TRIM71: variants seen among roughly 807,000 people sequenced by gnomAD.
The protein encoded by TRIM71 is E3 ubiquitin-protein ligase TRIM71.
TRIM71 carries 9 observed loss-of-function variants against 61.2 expected under a neutral mutation model. The observed-to-expected ratio is 0.15, with a 90% CI of 0.09 to 0.26. The LOEUF (loss-of-function observed/expected upper bound fraction) is 0.26, where lower values mean the gene tolerates loss of function less well. Among genes scored for constraint, TRIM71 ranks in the 10% least tolerant of loss-of-function variants. TRIM71 has a pLI of 1.00. For missense variants in TRIM71, 998 were observed against 1,238.7 expected (o/e 0.81, Z 2.92); for synonymous variants, 645 against 553.2 (o/e 1.17, Z -2.33).
In TRIM71 at chr3:32,873,821, C is replaced by A. The variant is rs1452934173; in HGVS notation, c.856C>A (p.Leu286Met). ...GFCQHHDDEV[L>M]HLYCDTCSVP... Reference sequence around the variant, plus strand: ...CTGTACCCTCTCTTGTCCCCAGGTGCTGCACCTGTACTGTGACACTTGCTC... The same window carrying A: ...CTGTACCCTCTCTTGTCCCCAGGTGATGCACCTGTACTGTGACACTTGCTC... Residue 286 changes from leucine to methionine, a missense_variant, in exon 2 of 4, where the codon CTG becomes ATG. Leu to Met is a conservative substitution (Grantham distance 15, BLOSUM62 2). Transcript: ENST00000383763. The A allele has an allele frequency of 6.3e-7, 1 of 1,576,238 alleles. No homozygotes were observed. Among genetic ancestry groups the A allele is most frequent in the Non-Finnish European group, 8.7e-7 (1 of 1,155,826 alleles).
chr3:32,881,208 G>A (rs1358071711), intron 2 of TRIM71, among the ~76,000 whole-genome samples: 5 of 151,992 alleles, frequency 3.3e-5, no homozygotes, highest in Admixed American at 1.3e-4. Flanking sequence ...CAGTAGAGAC[G>A]GGGTTTCACC....
chr3:32,818,581 C>T lies in TRIM71; in HGVS notation c.501C>T (p.Leu167=), dbSNP rs1188933657. ...HPRASASAPP[L]PQAPQPPAPS... ...GCGCGTCCGCCTCCGCGCCGCCACT[C>T]CCGCAGGCGCCGCAGCCGCCCGCGC... The change falls in exon 1 of 4, where the codon CTC becomes CTT. Residue 167 remains leucine (L), a synonymous_variant. Coordinates refer to ENST00000383763, the MANE Select transcript of TRIM71 (RefSeq NM_001039111.3). 9 of 1,295,416 alleles carry T rather than the reference C, an allele frequency of 6.9e-6. No homozygotes were observed. The highest frequency in any genetic ancestry group is 5.1e-5 in the South Asian group (2 of 39,268). 80.2% of individuals were successfully genotyped at this position (1,295,416 alleles called of 1,614,324 possible).
At position 32,891,530 on chromosome 3, in the gene TRIM71, C is replaced by T. The variant is rs1359390382; in HGVS notation, c.2326C>T (p.Pro776Ser). ...FNNHRLLVIH[P>S]DCQSARFLGS... is the part of the protein sequence containing the mutation. ...CAACCACCGGCTCCTGGTTATTCAC[C>T]CCGACTGCCAGTCGGCACGCTTTCT... is the stretch of plus-strand genomic sequence containing the variant. The change falls in exon 4 of 4, where the codon CCC becomes TCC. Residue 776 changes from proline to serine, a missense_variant. By Grantham distance (74) the Pro-to-Ser change is moderately conservative. Around this residue, in one of 5 missense-constraint regions of TRIM71, gnomAD observed 95 missense variants for 159.0 expected, o/e 0.60. Transcript: ENST00000383763. This position sits in a 1 kb window ranked among gnomAD's most constrained non-coding sequence, Gnocchi z 8.2. The T allele has an allele frequency of 6.2e-7, 1 of 1,613,368 alleles. No homozygotes were observed. The highest frequency in any genetic ancestry group is 1.1e-5 in the South Asian group (1 of 90,998).
chr3:32,863,352 A>C lies in TRIM71; in HGVS notation c.853-10466A>C, dbSNP rs552225319. Reference sequence around the variant, plus strand: ...TCAGCTGTGACTATAGGCATGCCCCACCATGCTTGGTTAATTTTTAATTCT... The same window carrying C: ...TCAGCTGTGACTATAGGCATGCCCCCCCATGCTTGGTTAATTTTTAATTCT... On this transcript the variant is annotated intron_variant, in intron 1 of 3. Transcript: ENST00000383763. Among the ~76,000 whole-genome samples, 21 of 151,930 alleles carry C rather than the reference A, an allele frequency of 1.4e-4. 1 individual carries two copies. The South Asian group carries it at 4.4e-3, about 32-fold the overall frequency.
chr3:32,824,160 C>G (rs1276308397), intron 1 of TRIM71, among the ~76,000 whole-genome samples: 1 of 152,030 alleles, frequency 6.6e-6, no homozygotes, highest in Non-Finnish European at 1.5e-5. Flanking sequence ...TAGCTACTTA[C>G]TTAATACTTT....
At chr3:32,854,616 T>C (rs1222658621) in intron 1 of TRIM71, among the ~76,000 whole-genome samples, 3 of 152,226 alleles carry the variant, frequency 2.0e-5, no homozygotes, top group Non-Finnish European at 4.4e-5. Context: ...AAACAAGGCA[T>C]CATCTGGCTA....
intron 2 of TRIM71, among the ~76,000 whole-genome samples, chr3:32,880,946 GGAA>G (rs1179076599): frequency 6.6e-6 from 1 of 152,058 alleles, no homozygotes; most frequent in Non-Finnish European, 1.5e-5. Flanking sequence ...AACTAACAAA[GGAA>G]GAAACCCACG....
Position 32,891,815 on chromosome 3 carries a change from C to A in TRIM71, c.*4C>A. ...CAATCGAATCCTCGTCTTCTAATTG[C>A]ATTTCCTAGGTTTCTGTGTTTGGGG... On this transcript the variant is annotated 3_prime_UTR_variant, in exon 4 of 4. Transcript: ENST00000383763. This position sits in a 1 kb window ranked among gnomAD's most constrained non-coding sequence, Gnocchi z 8.2. 1 of 1,613,306 alleles carries A rather than the reference C, an allele frequency of 6.2e-7. No homozygotes were observed. The highest frequency in any genetic ancestry group is 8.5e-7 in the Non-Finnish European group (1 of 1,179,906).
intron 1 of TRIM71, among the ~76,000 whole-genome samples, chr3:32,866,000 T>C (rs1251205127): frequency 6.6e-6 from 1 of 151,710 alleles, no homozygotes; most frequent in East Asian, 1.9e-4. Context: ...CTAATTTTTG[T>C]GTATTTAGAG....
intron 1 of TRIM71, among the ~76,000 whole-genome samples, chr3:32,850,781 G>A (rs780644412): frequency 6.6e-6 from 1 of 152,072 alleles, no homozygotes; most frequent in African/African-American, 2.4e-5. Flanking sequence ...GGGACCATTC[G>A]CTGCCCTATC....
intron 1 of TRIM71, among the ~76,000 whole-genome samples, chr3:32,868,258 C>T (rs1392214563): frequency 1.3e-5 from 2 of 152,218 alleles, no homozygotes. Flanking sequence ...TTGCCCTTCA[C>T]ATGGGTGAAG....
chr3:32,844,092 C>T (rs548357900), intron 1 of TRIM71, among the ~76,000 whole-genome samples: 2 of 152,280 alleles, frequency 1.3e-5, no homozygotes, highest in South Asian at 2.1e-4. Flanking sequence ...CCCATGCTTT[C>T]TCGCGTCGTC....
intron 1 of TRIM71, among the ~76,000 whole-genome samples, chr3:32,822,565 A>G (rs1696147087): frequency 6.6e-6 from 1 of 152,146 alleles, no homozygotes; most frequent in Non-Finnish European, 1.5e-5. Flanking sequence ...ATGGGACTGT[A>G]CCTGTATTCA....
rs1234210998 is a variant in TRIM71 at position 32,897,782 on chromosome 3, T to G, written c.*5971T>G. ...TTTAAAATTGTTCCTATGCAGCTTATTTTATTTTTGTTTAATCAAATAAAC... is the reference window on the plus strand; with the variant it reads ...TTTAAAATTGTTCCTATGCAGCTTAGTTTATTTTTGTTTAATCAAATAAAC... On this transcript the variant is annotated 3_prime_UTR_variant, in exon 4 of 4. Coordinates refer to ENST00000383763, the MANE Select transcript of TRIM71 (RefSeq NM_001039111.3). 6.6e-6 allele frequency: 1 copy of G among 152,214 alleles called. No individual in the cohort carries two copies. The highest frequency in any genetic ancestry group is 2.4e-5 in the African/African-American group (1 of 41,446). 9.4% of individuals were successfully genotyped at this position (152,214 alleles called of 1,614,324 possible).
Position 32,873,943 on chromosome 3 carries a change from C to T in TRIM71, c.978C>T (p.Ile326=). The T allele has an allele frequency of 6.2e-7, 1 of 1,613,622 alleles. No homozygotes were observed. The highest frequency in any genetic ancestry group is 8.5e-7 in the Non-Finnish European group (1 of 1,179,804). Residue 326 remains isoleucine, a synonymous_variant, in exon 2 of 4, where the codon ATC becomes ATT. Coordinates refer to ENST00000383763, the MANE Select transcript of TRIM71 (RefSeq NM_001039111.3). ...EALQDSRALT[I]QLLADAQQGR... ...TGCAGGACTCACGGGCACTCACCAT[C>T]CAGCTGCTGGCAGATGCCCAGCAGG... is the stretch of plus-strand genomic sequence containing the variant.
In TRIM71 at chr3:32,895,427, G is replaced by C. The variant is rs1017242639; in HGVS notation, c.*3616G>C. 1 of 152,196 alleles carries C rather than the reference G, an allele frequency of 6.6e-6. No homozygotes were observed. The highest frequency in any genetic ancestry group is 2.4e-5 in the African/African-American group (1 of 41,442). 9.4% of individuals were successfully genotyped at this position (152,196 alleles called of 1,614,324 possible). A position where few individuals can be genotyped will look rare whatever the true frequency, so the allele number is the denominator to read the frequency against. The stretch of plus-strand genomic sequence containing the variant: ...TCTGATTTATTCTAGTTAAGCCAAA[G>C]CTTAATTATTTGAGGAGGAAAGTCT... On this transcript the variant is annotated 3_prime_UTR_variant, in exon 4 of 4. Transcript: ENST00000383763.
intron 1 of TRIM71, among the ~76,000 whole-genome samples, chr3:32,847,630 C>T (rs1024373447): frequency 1.3e-5 from 2 of 152,194 alleles, no homozygotes; most frequent in South Asian, 4.1e-4. Flanking sequence ...CTTACTGTAT[C>T]CTTACATTTG....
intron 1 of TRIM71, among the ~76,000 whole-genome samples, chr3:32,856,142 G>C (rs928321425): frequency 2.0e-5 from 3 of 151,994 alleles, no homozygotes; most frequent in Admixed American, 6.6e-5. Flanking sequence ...CTCAGCCTCC[G>C]GAGTAGCTGG....
chr3:32,840,355 A>G (rs1042340409), intron 1 of TRIM71, among the ~76,000 whole-genome samples: 14 of 152,164 alleles, frequency 9.2e-5, no homozygotes, highest in African/African-American at 2.4e-4. Flanking sequence ...TTTGAAGGAC[A>G]GTAAAATGTT....
Sources: gnomAD v4.1 joint callset for allele counts (sites outside exome capture counted in the v4.1 genomes callset) on GRCh38, gnomAD v4.1.1 for gene constraint, gnomAD v4.1.1 regional missense constraint, Gnocchi (gnomAD v3.1) non-coding constraint, MANE v1.5 for transcripts, NCBI Gene and HGNC (gene_info 2026-07-23, HGNC 2026-07-21) for gene names.